Variants in PLXNB2 observed in about 807,000 individuals in gnomAD.
PLXNB2 encodes the protein plexin-B2.
Under a neutral mutation model 202.6 loss-of-function variants are expected in PLXNB2, and 85 were observed. The observed-to-expected ratio is 0.42, with a 90% CI of 0.35 to 0.50. PLXNB2 has a LOEUF of 0.50. Among genes scored for constraint, PLXNB2 ranks in the 20% least tolerant of loss-of-function variants. The pLI is 0.02. For synonymous variants in PLXNB2, 1,239 were observed against 1,137.6 expected, an observed-to-expected ratio of 1.09 and a Z score of -1.79; for missense variants, 2,063 against 2,586.2, an observed-to-expected ratio of 0.80 and a Z score of 4.39.
chr22:50,283,541 C>T (rs556879167), intron 15 of PLXNB2, 61 bp downstream of exon 15: 158 of 1,584,576 alleles, frequency 1.0e-4, no homozygotes, highest in African/African-American at 5.8e-4. Flanking sequence ...CCCAGTCACC[C>T]GGAACCCCAG....
intron 1 of PLXNB2, among the ~76,000 whole-genome samples, chr22:50,302,657 G>C (rs563238729): frequency 6.6e-6 from 1 of 152,310 alleles, no homozygotes; most frequent in African/African-American, 2.4e-5. Flanking sequence ...TGCCAACATA[G>C]GAGTGGGGAG....
At chr22:50,285,965 C>CCCCTGAGG (rs764591548) in intron 10 of PLXNB2, 25 bp downstream of exon 10, 100 of 1,607,326 alleles carry the variant, frequency 6.2e-5, no homozygotes, top group Non-Finnish European at 7.5e-5. Context: ...CCTGAACAGT[C>CCCCTGAGG]CCCTGAGGCC....
In PLXNB2 at chr22:50,284,510, A is replaced by G; in HGVS notation, c.2181+63T>C. The stretch of plus-strand genomic sequence containing the variant: ...CCCTCCCCTCACAGTCCTGAAGGTG[A>G]CCCCCCACCCCACCCGGGGCCCTGG... On this transcript the variant is annotated intron_variant, in intron 12 of 36. Coordinates refer to ENST00000359337, the MANE Select transcript of PLXNB2 (RefSeq NM_012401.4). The surrounding 1 kb of genome is among the most constrained non-coding windows in gnomAD (Gnocchi z 8.0). The G allele has an allele frequency of 1.7e-6, 2 of 1,209,562 alleles. No homozygotes were observed. The highest frequency in any genetic ancestry group is 1.2e-6 in the Non-Finnish European group (1 of 840,086). 74.9% of individuals were successfully genotyped at this position (1,209,562 alleles called of 1,614,324 possible).
chr22:50,291,337 A>G lies in PLXNB2; in HGVS notation c.-13-740T>C, dbSNP rs1202485549. ...AAGGGGACCTGGGGAGCCATGAGCA[A>G]CTCCAAATCCACCAGGTCTCAGAGG... On this transcript the variant is annotated intron_variant, in intron 2 of 36. Transcript: ENST00000359337. The surrounding 1 kb of genome is among the most constrained non-coding windows in gnomAD (Gnocchi z 4.3). Among the ~76,000 whole-genome samples, 1 of 151,798 alleles carries G rather than the reference A, an allele frequency of 6.6e-6. No homozygotes were observed. Among genetic ancestry groups the G allele is most frequent in the Non-Finnish European group, 1.5e-5 (1 of 67,934 alleles).
At position 50,290,196 on chromosome 22, in the gene PLXNB2, A is replaced by C. The variant is rs753306834; in HGVS notation, c.389T>G (p.Leu130Arg). The C allele has an allele frequency of 5.6e-6, 9 of 1,612,640 alleles. 1 individual carries two copies. In the South Asian group the frequency reaches 9.9e-5, roughly 18 times the overall value. ...GCTGCCGTCCTCGTAGAACAGGCGG[A>C]GGGAGATGTTGCTCAGGGCGCGCAG... ...CALRALSNIS[L>R]RLFYEDGSGE... Residue 130 changes from leucine (L) to arginine (R), a missense_variant, in exon 3 of 37, where the codon CTC becomes CGC. Leu to Arg is a moderately radical substitution (Grantham distance 102). Coordinates refer to ENST00000359337, the MANE Select transcript of PLXNB2 (RefSeq NM_012401.4).
rs1433510952 is a variant in PLXNB2 at position 50,291,437 on chromosome 22, G to A, written c.-13-840C>T. On this transcript the variant is annotated intron_variant, in intron 2 of 36. Transcript: ENST00000359337. The surrounding 1 kb of genome is among the most constrained non-coding windows in gnomAD (Gnocchi z 4.3). ...GTGTAACTGAGCACGTCTCGGTGTG[G>A]GGTCTGTGCCTGGGTCCGGGTGGAT... Among the ~76,000 whole-genome samples the A allele has an allele frequency of 1.3e-5, 2 of 152,106 alleles. No individual in the cohort carries two copies. Among genetic ancestry groups the A allele is most frequent in the South Asian group, 4.2e-4 (2 of 4,816 alleles).
At position 50,290,517 on chromosome 22, in the gene PLXNB2, C is replaced by T. The variant is rs370518066; in HGVS notation, c.68G>A (p.Arg23His). 8 of 1,612,500 alleles carry T rather than the reference C, an allele frequency of 5.0e-6. No individual in the cohort carries two copies. The highest frequency in any genetic ancestry group is 2.2e-5 in the East Asian group (1 of 44,876). The change falls in exon 3 of 37, where the codon CGC becomes CAC. Residue 23 changes from arginine (R) to histidine (H), a missense_variant. Around this residue, in one of 2 missense-constraint regions of PLXNB2, gnomAD observed 1,303 missense variants for 1,476.8 expected, o/e 0.88. Coordinates refer to ENST00000359337, the MANE Select transcript of PLXNB2 (RefSeq NM_012401.4). Reference sequence around the variant, plus strand: ...CTCGCTGCGGAAGAAGTCCAGCTTGCGGGGCCTCAGGCTGGCACCTGCGCC... The same window carrying T: ...CTCGCTGCGGAAGAAGTCCAGCTTGTGGGGCCTCAGGCTGGCACCTGCGCC... ...LLGAGASLRP[R>H]KLDFFRSEKE...
chr22:50,302,486 C>T (rs901343019), intron 1 of PLXNB2, among the ~76,000 whole-genome samples: 1 of 152,156 alleles, frequency 6.6e-6, no homozygotes, highest in Non-Finnish European at 1.5e-5. Flanking sequence ...AGGGCCTGGT[C>T]GAGAGCCACT....
chr22:50,277,806 G>A (rs975529930), intron 32 of PLXNB2, 47 bp downstream of exon 32: 1 of 1,603,870 alleles, frequency 6.2e-7, no homozygotes, highest in African/African-American at 1.3e-5. Context: ...CCTCCCAAGT[G>A]AGAGGCGGAG....
intron 1 of PLXNB2, among the ~76,000 whole-genome samples, chr22:50,302,886 T>C (rs941499700): frequency 2.0e-5 from 3 of 152,156 alleles, no homozygotes; most frequent in Non-Finnish European, 4.4e-5. Context: ...AGCAGTGTTC[T>C]GTGCCCTCCA....
chr22:50,289,159 G>A lies in PLXNB2; in HGVS notation c.1069-17C>T. On this transcript the variant is annotated splice_polypyrimidine_tract_variant and intron_variant, in intron 3 of 36. Transcript: ENST00000359337. The surrounding 1 kb of genome is among the most constrained non-coding windows in gnomAD (Gnocchi z 8.0). ...GCTGGAGCCCTGCGGACCACAGCGTGTCAATGGCAGGCAGACCCCCTGTCC... is the reference window on the plus strand; with the variant it reads ...GCTGGAGCCCTGCGGACCACAGCGTATCAATGGCAGGCAGACCCCCTGTCC... 6.5e-7 allele frequency: 1 copy of A among 1,542,534 alleles called. No homozygotes were observed. The highest frequency in any genetic ancestry group is 8.7e-7 in the Non-Finnish European group (1 of 1,145,328).
In PLXNB2 at chr22:50,288,139, G is replaced by C; in HGVS notation, c.1381-102C>G. 1 of 854,274 alleles carries C rather than the reference G, an allele frequency of 1.2e-6. No individual in the cohort carries two copies. The highest frequency in any genetic ancestry group is 1.8e-6 in the Non-Finnish European group (1 of 543,364). The allele number at this position is 854,274 out of a possible 1,614,324, so 52.9% of individuals were successfully genotyped here. ...CGCCAGCTTGACCCAGCTCTGTCCC[G>C]GGGCCTCGGGAGCCTCAGACACCTC... On this transcript the variant is annotated intron_variant, in intron 5 of 36. Coordinates refer to ENST00000359337, the MANE Select transcript of PLXNB2 (RefSeq NM_012401.4). This position sits in a 1 kb window ranked among gnomAD's most constrained non-coding sequence, Gnocchi z 5.0.
Position 50,283,674 on chromosome 22 carries a change from C to G in PLXNB2, c.2498G>C (p.Gly833Ala). The change falls in exon 15 of 37, where the codon GGG (glycine) becomes GCG (alanine). Residue 833 changes from glycine (G) to alanine (A), a missense_variant. Gly to Ala is a moderately conservative substitution (Grantham distance 60). Transcript: ENST00000359337. Reference sequence around the variant, plus strand: ...GGCCACAGAGATCCTCTGGATGTCCCCTGCTTGGACGCCCAAATTGGACCC... The same window carrying G: ...GGCCACAGAGATCCTCTGGATGTCCGCTGCTTGGACGCCCAAATTGGACCC... ...ILGSNLGVQA[G>A]DIQRISVAGR... The G allele has an allele frequency of 6.2e-7, 1 of 1,613,124 alleles. No homozygotes were observed. Among genetic ancestry groups the G allele is most frequent in the Non-Finnish European group, 8.5e-7 (1 of 1,179,956 alleles).
Position 50,280,918 on chromosome 22 carries a change from G to C in PLXNB2, c.3819C>G (p.Pro1273=). The C allele has an allele frequency of 1.9e-6, 3 of 1,613,192 alleles. No homozygotes were observed. Among genetic ancestry groups the C allele is most frequent in the South Asian group, 2.2e-5 (2 of 91,062 alleles). ...CGGTGTAGGTCTTGTAGTCCAGCAC[G>C]GGGATGCCGGCCTCGTGCACGTCGT... ...QTNDVHEAGI[P]VLDYKTYTDR... is the part of the protein sequence containing the mutation. Residue 1273 remains proline (P), a synonymous_variant, in exon 24 of 37, where the codon CCC becomes CCG. Coordinates refer to ENST00000359337, the MANE Select transcript of PLXNB2 (RefSeq NM_012401.4).
intron 24 of PLXNB2, 30 bp downstream of exon 24, chr22:50,280,714 G>GGGGGGC: frequency 1.3e-6 from 2 of 1,528,936 alleles, no homozygotes; most frequent in Non-Finnish European, 1.8e-6. Context: ...CCACCTGTGT[G>GGGGGGC]CCCTCCCGCC....
chr22:50,281,633 G>A lies in PLXNB2; in HGVS notation c.3455C>T (p.Pro1152Leu), dbSNP rs1288185100. The change falls in exon 21 of 37, where the codon CCG becomes CTG. Residue 1152 changes from proline to leucine, a missense_variant. Around this residue, in one of 2 missense-constraint regions of PLXNB2, gnomAD observed 760 missense variants for 1,109.4 expected, o/e 0.69. Coordinates refer to ENST00000359337, the MANE Select transcript of PLXNB2 (RefSeq NM_012401.4). ...LTETDLYCEPPEVQPPPKRRQ... is the reference protein window; with the variant it reads ...LTETDLYCEPLEVQPPPKRRQ... ...CCGCTTGGGCGGGGGCTGCACCTCCGGGGGCTCACAGTACAGGTCGGTCTC... is the reference window on the plus strand; with the variant it reads ...CCGCTTGGGCGGGGGCTGCACCTCCAGGGGCTCACAGTACAGGTCGGTCTC... The A allele has an allele frequency of 6.2e-7, 1 of 1,606,350 alleles. No individual in the cohort carries two copies. The highest frequency in any genetic ancestry group is 8.5e-7 in the Non-Finnish European group (1 of 1,176,124).
chr22:50,281,320 G>A (rs757624417), intron 22 of PLXNB2, 40 bp downstream of exon 22: 80 of 1,605,952 alleles, frequency 5.0e-5, no homozygotes, highest in Non-Finnish European at 1.4e-5. Context: ...CGGGAGGGCC[G>A]AGGGCTCAGG....
rs1370107929 is a variant in PLXNB2, at chr22:50,291,857, G to A, written c.-13-1260C>T. ...GTCCAGGGCAGCCCTGCCATGGCAG[G>A]TGCCAAGGGGGTCCAGACTCGATGG... On this transcript the variant is annotated intron_variant, in intron 2 of 36. Transcript: ENST00000359337. This position sits in a 1 kb window ranked among gnomAD's most constrained non-coding sequence, Gnocchi z 4.3. 6.6e-6 allele frequency among the ~76,000 whole-genome samples: 1 copy of A among 152,128 alleles called. No individual in the cohort carries two copies. Among genetic ancestry groups the A allele is most frequent in the Non-Finnish European group, 1.5e-5 (1 of 68,010 alleles).
intron 1 of PLXNB2, among the ~76,000 whole-genome samples, chr22:50,295,529 A>G (rs1186952355): frequency 3.3e-5 from 5 of 152,202 alleles, no homozygotes; most frequent in African/African-American, 1.2e-4. Flanking sequence ...TGTAGCATTC[A>G]GCAATGCTTG....
Sources: allele counts gnomAD v4.1 joint callset (sites outside exome capture counted in the v4.1 genomes callset), GRCh38; gene constraint gnomAD v4.1.1; regional missense constraint gnomAD v4.1.1; non-coding constraint Gnocchi (gnomAD v3.1); transcripts MANE v1.5; gene names NCBI Gene and HGNC (gene_info 2026-07-23, HGNC 2026-07-21).